Variants in CNTRL observed in about 807,000 individuals in gnomAD.
The protein encoded by CNTRL is centriolin.
CNTRL carries 233 observed loss-of-function variants against 303.7 expected under a neutral mutation model. The observed-to-expected ratio is 0.77, with a 90% CI of 0.69 to 0.86. The LOEUF (loss-of-function observed/expected upper bound fraction) is 0.86, where lower values mean the gene tolerates loss of function less well. CNTRL is among the 40% of genes least tolerant of loss of function. The pLI, the probability that CNTRL is intolerant of heterozygous loss-of-function variation, is 0.00. For synonymous variants in CNTRL, 900 were observed against 922.2 expected, an observed-to-expected ratio of 0.98 and a Z score of 0.44; for missense variants, 2,524 against 2,650.6, an observed-to-expected ratio of 0.95 and a Z score of 1.05.
chr9:121,090,175 GGC>G lies in CNTRL; in HGVS notation c.218-99_218-98del, dbSNP rs918133846. On this transcript the variant is annotated intron_variant, in intron 3 of 43. Transcript: ENST00000373855. ...TAGCCAGCTTTTTTGGTATATTCAT[GGC>G]TTAATTTTTGTTTTTGTTACATAAC... The G allele has an allele frequency of 1.4e-5, 14 of 986,144 alleles. 1 individual carries two copies. In the African/African-American group the frequency reaches 3.0e-4, roughly 21 times the overall value. The allele number at this position is 986,144 out of a possible 1,614,324, so 61.1% of individuals were successfully genotyped here.
At position 121,158,105 on chromosome 9, in the gene CNTRL, G is replaced by A; in HGVS notation, c.4760G>A (p.Ser1587Asn). 1 of 1,613,988 alleles carries A rather than the reference G, an allele frequency of 6.2e-7. No homozygotes were observed. The highest frequency in any genetic ancestry group is 8.5e-7 in the Non-Finnish European group (1 of 1,180,002). The change falls in exon 30 of 44, where the codon AGC becomes AAC. Residue 1587 changes from serine to asparagine, a missense_variant. Transcript: ENST00000373855. ...AGAGCCGAGCTGGAAAAGCTGAAAAGCCAGGTATGGCAATAGACACCTTGA... is the reference window on the plus strand; with the variant it reads ...AGAGCCGAGCTGGAAAAGCTGAAAAACCAGGTATGGCAATAGACACCTTGA... The part of the protein sequence containing the change: ...AKRAELEKLK[S>N]QVTSQQQEMA...
intron 5 of CNTRL, among the ~76,000 whole-genome samples, chr9:121,096,149 T>G (rs909935087): frequency 1.3e-5 from 2 of 152,180 alleles, no homozygotes; most frequent in African/African-American, 4.8e-5. Flanking sequence ...GAGAATGCCA[T>G]GGTCACATTT....
rs188753500 is a variant in CNTRL, at chr9:121,107,924, A to G, written c.931A>G (p.Lys311Glu). The G allele has an allele frequency of 8.7e-6, 14 of 1,609,136 alleles. No individual in the cohort carries two copies. In the African/African-American group the frequency reaches 1.9e-4, roughly 22 times the overall value. The change falls in exon 8 of 44, where the codon AAA becomes GAA. Residue 311 changes from lysine to glutamate, a missense_variant. Transcript: ENST00000373855. ...KNQDKLNKSL[K>E]EEAMLQKQSC... Reference sequence around the variant, plus strand: ...TCAAGATAAATTGAATAAATCATTAAAAGAGGAGGCCATGTTACAGAAACA... The same window carrying G: ...TCAAGATAAATTGAATAAATCATTAGAAGAGGAGGCCATGTTACAGAAACA...
Position 121,169,732 on chromosome 9 carries a change from A to G in CNTRL, c.6192A>G (p.Thr2064=), listed in dbSNP as rs1273153565. The change falls in exon 39 of 44, where the codon ACA becomes ACG. Residue 2064 remains threonine (T), a synonymous_variant. Coordinates refer to ENST00000373855, the MANE Select transcript of CNTRL (RefSeq NM_007018.6). ...GCCTTCTGCGGAACCAGTTCTTGAC[A>G]GAAAGAAAGAAAGCTGAGAAGCAGG... is the stretch of plus-strand genomic sequence containing the variant. ...DFSLLRNQFL[T]ERKKAEKQVA... The G allele has an allele frequency of 1.2e-6, 2 of 1,614,134 alleles. No homozygotes were observed. Among genetic ancestry groups the G allele is most frequent in the African/African-American group, 1.3e-5 (1 of 75,056 alleles).
chr9:121,130,185 G>T (rs2050772308), intron 14 of CNTRL, among the ~76,000 whole-genome samples: 1 of 152,144 alleles, frequency 6.6e-6, no homozygotes. Context: ...CTATTCATTG[G>T]AAGAGTTTCA....
chr9:121,080,273 A>G (rs997003827), intron 1 of CNTRL, 33 bp from the exon 2 acceptor site: 9 of 152,218 alleles, frequency 5.9e-5, no homozygotes, highest in African/African-American at 1.7e-4. Flanking sequence ...TAAAGAGCTT[A>G]TCACAACATA....
intron 23 of CNTRL, among the ~76,000 whole-genome samples, chr9:121,146,721 A>G (rs2051883150): frequency 6.6e-6 from 1 of 152,214 alleles, no homozygotes; most frequent in African/African-American, 2.4e-5. Context: ...TAATTGCAAA[A>G]TGGTGACATA....
intron 43 of CNTRL, 119 bp downstream of exon 43, chr9:121,175,343 TGCA>T (rs1161028979): frequency 5.7e-6 from 5 of 873,364 alleles, no homozygotes. Flanking sequence ...CACAGCTCAC[TGCA>T]GCCTTGACCT....
rs140905801 is a variant in CNTRL, at chr9:121,095,990, A to G, written c.480-432A>G. Among the ~76,000 whole-genome samples, 5 of 152,362 alleles carry G rather than the reference A, an allele frequency of 3.3e-5. No homozygotes were observed. The East Asian group carries it at 7.7e-4, about 23-fold the overall frequency. ...TACAGTATCATCTATGGGCTCCCAT[A>G]TCCTGCTGGCATAGCTAATCTTTTT... On this transcript the variant is annotated intron_variant, in intron 5 of 43. Transcript: ENST00000373855.
Position 121,077,601 on chromosome 9 carries a change from A to G in CNTRL, c.-205+2534A>G, listed in dbSNP as rs889393997. Among the ~76,000 whole-genome samples the G allele has an allele frequency of 7.9e-5, 12 of 152,184 alleles. 1 individual carries two copies. Among genetic ancestry groups the G allele is most frequent in the African/African-American group, 2.9e-4 (12 of 41,430 alleles). ...TTTTACTAATCAGGAGAGGTAATAA[A>G]GGACCTCATGATAGTCTGGTGAGAC... On this transcript the variant is annotated intron_variant, in intron 1 of 43. Transcript: ENST00000373855.
At chr9:121,086,530 G>A (rs1048197411) in intron 2 of CNTRL, among the ~76,000 whole-genome samples, 3 of 152,058 alleles carry the variant, frequency 2.0e-5, no homozygotes, top group African/African-American at 4.8e-5. Flanking sequence ...CACAATTGAG[G>A]GAACGAATGA....
intron 27 of CNTRL, among the ~76,000 whole-genome samples, chr9:121,156,263 G>T (rs570520994): frequency 6.6e-6 from 1 of 152,196 alleles, no homozygotes; most frequent in Non-Finnish European, 1.5e-5. Context: ...AGTAGGCAGA[G>T]GTAGTAAGTC....
chr9:121,119,080 A>ATGTGTG (rs3047904), intron 12 of CNTRL, among the ~76,000 whole-genome samples: 4,316 of 148,508 alleles, frequency 0.029, 100 homozygotes, highest in African/African-American at 0.058. Flanking sequence ...ACATAAATAT[A>ATGTGTG]TGTGTGTGTG....
intron 36 of CNTRL, 94 bp from the exon 37 acceptor site, chr9:121,167,395 C>T (rs1266706854): frequency 3.5e-5 from 33 of 953,222 alleles, no homozygotes; most frequent in Non-Finnish European, 4.8e-5. Context: ...TTATGCCTCT[C>T]GTTCTGTCAG....
Position 121,113,677 on chromosome 9 carries a change from C to T in CNTRL, c.1298C>T (p.Thr433Ile), listed in dbSNP as rs2049850768. The T allele has an allele frequency of 1.9e-6, 3 of 1,573,464 alleles. No homozygotes were observed. Among genetic ancestry groups the T allele is most frequent in the African/African-American group, 2.7e-5 (2 of 72,730 alleles). Residue 433 changes from threonine (T) to isoleucine (I), a missense_variant, in exon 10 of 44, where the codon ACA becomes ATA. Coordinates refer to ENST00000373855, the MANE Select transcript of CNTRL (RefSeq NM_007018.6). ...RNDHMNLRGH[T>I]PLDTQLEDKE... is the part of the protein sequence containing the mutation. ...GATCACATGAACTTGAGAGGCCACA[C>T]ACCACTGGACACGCAACTGGAAGAC...
chr9:121,168,916 G>A lies in CNTRL; in HGVS notation c.6070+595G>A, dbSNP rs2053197425. Among the ~76,000 whole-genome samples the A allele has an allele frequency of 2.0e-5, 3 of 152,036 alleles. No individual in the cohort carries two copies. The South Asian group carries it at 6.2e-4, about 32-fold the overall frequency. On this transcript the variant is annotated intron_variant, in intron 38 of 43. Coordinates refer to ENST00000373855, the MANE Select transcript of CNTRL (RefSeq NM_007018.6). ...AAGGGTTGTTATTCCTTTTTCCCTG[G>A]GAACTCTTGATATACCCAGACCCAA...
intron 14 of CNTRL, among the ~76,000 whole-genome samples, chr9:121,127,972 A>G (rs1044100721): frequency 7.9e-5 from 12 of 151,810 alleles, no homozygotes; most frequent in Non-Finnish European, 1.5e-4. Flanking sequence ...AAGGACATGA[A>G]CTCATCCTTT....
At chr9:121,097,576 TG>T (rs1282336817) in intron 6 of CNTRL, among the ~76,000 whole-genome samples, 3 of 79,472 alleles carry the variant, frequency 3.8e-5, no homozygotes, top group Non-Finnish European at 8.6e-5. Context: ...AATTTCATCC[TG>T]TGACAGTCAA....
intron 7 of CNTRL, among the ~76,000 whole-genome samples, chr9:121,102,685 G>T (rs926636950): frequency 1.3e-5 from 2 of 152,258 alleles, no homozygotes; most frequent in East Asian, 3.9e-4. Context: ...AAGCTGATAC[G>T]CAACTTCAGC....
Sources: allele counts gnomAD v4.1 joint callset (sites outside exome capture counted in the v4.1 genomes callset), GRCh38; gene constraint gnomAD v4.1.1; transcripts MANE v1.5; gene names NCBI Gene and HGNC (gene_info 2026-07-23, HGNC 2026-07-21).